The following PTK7 variants were observed in gnomAD, a reference collection of about 807,000 sequenced individuals.
PTK7 encodes the protein protein tyrosine kinase 7 (inactive).
PTK7 carries 39 observed loss-of-function variants against 116.6 expected under a neutral mutation model. That is an observed-to-expected ratio of 0.33 (90% confidence interval 0.26 to 0.44). The LOEUF (loss-of-function observed/expected upper bound fraction) is 0.44, where lower values mean the gene tolerates loss of function less well. PTK7 is among the 20% of genes least tolerant of loss of function. PTK7 has a pLI of 1.00. For synonymous variants in PTK7, 546 were observed against 563.6 expected (o/e 0.97, Z 0.44); for missense variants, 1,169 against 1,425.6 (o/e 0.82, Z 2.90).
At chr6:43,089,141 G>C (rs1319121917) in intron 1 of PTK7, among the ~76,000 whole-genome samples, 1 of 152,186 alleles carries the variant, frequency 6.6e-6, no homozygotes, top group Non-Finnish European at 1.5e-5. Flanking sequence ...GTTCAGGTGA[G>C]GTTGGATCAT....
At position 43,132,673 on chromosome 6, in the gene PTK7, A is replaced by G. The variant is rs138575208; in HGVS notation, c.1214A>G (p.Asn405Ser). 378 of 1,564,800 alleles carry G rather than the reference A, an allele frequency of 2.4e-4. No homozygotes were observed. Among genetic ancestry groups the G allele is most frequent in the Admixed American group, 1.3e-3 (65 of 51,910 alleles). ...NLAGQRRQDV[N>S]ITVATVPSWL... ...GCTGGTCAGCGGAGACAGGATGTCA[A>G]CATCACTGTGGCCAGTGAGCACCTT... is the stretch of plus-strand genomic sequence containing the variant. The change falls in exon 7 of 20, where the codon AAC becomes AGC. Residue 405 changes from asparagine (N) to serine (S), a missense_variant. Around this residue, in one of 3 missense-constraint regions of PTK7, gnomAD observed 4 missense variants for 22.0 expected, o/e 0.18. Coordinates refer to ENST00000230419, the MANE Select transcript of PTK7 (RefSeq NM_002821.5).
intron 17 of PTK7, among the ~76,000 whole-genome samples, chr6:43,155,857 A>G (rs1294210294): frequency 6.6e-5 from 10 of 152,216 alleles, no homozygotes; most frequent in Non-Finnish European, 4.4e-5. Flanking sequence ...AAACTCATAC[A>G]TGTGTACACT....
At chr6:43,086,071 CTCTT>C (rs1236023021) in intron 1 of PTK7, among the ~76,000 whole-genome samples, 8 of 152,188 alleles carry the variant, frequency 5.3e-5, no homozygotes, top group African/African-American at 1.7e-4. Context: ...TTCTCCCTCT[CTCTT>C]TGTCTCAATA....
Position 43,129,730 on chromosome 6 carries a change from T to C in PTK7, c.371T>C (p.Ile124Thr). 1.9e-6 allele frequency: 3 copies of C among 1,614,032 alleles called. No homozygotes were observed. The highest frequency in any genetic ancestry group is 2.5e-6 in the Non-Finnish European group (3 of 1,179,922). The change falls in exon 3 of 20, where the codon ATT becomes ACT. Residue 124 changes from isoleucine to threonine, a missense_variant. By Grantham distance (89) the Ile-to-Thr change is moderately conservative. This residue lies in a region of PTK7 where 487 missense variants were observed against 549.8 expected (regional missense o/e 0.89). Transcript: ENST00000230419. The surrounding 1 kb of genome is among the most constrained non-coding windows in gnomAD (Gnocchi z 4.5). ...SANASFNIKW[I>T]EAGPVVLKHP... is the part of the protein sequence containing the mutation. Reference sequence around the variant, plus strand: ...GCAACCGTGGCCTCTGCTACAGGGATTGAGGCAGGTCCTGTGGTCCTGAAG... The same window carrying C: ...GCAACCGTGGCCTCTGCTACAGGGACTGAGGCAGGTCCTGTGGTCCTGAAG...
At chr6:43,126,688 T>A (rs1307785740) in intron 1 of PTK7, among the ~76,000 whole-genome samples, 1 of 152,240 alleles carries the variant, frequency 6.6e-6, no homozygotes, top group Non-Finnish European at 1.5e-5. Flanking sequence ...AGCTATTTGA[T>A]CGTGGGCAGA....
rs150912453 is a variant in PTK7 at position 43,134,036 on chromosome 6, A to T, written c.1228+1349A>T. Reference sequence around the variant, plus strand: ...TGAGAATCACCTGCTTTCATTAGGGATACTTTTTCTTCTTTTGTTTGAGAC... The same window carrying T: ...TGAGAATCACCTGCTTTCATTAGGGTTACTTTTTCTTCTTTTGTTTGAGAC... On this transcript the variant is annotated intron_variant, in intron 7 of 19. Coordinates refer to ENST00000230419, the MANE Select transcript of PTK7 (RefSeq NM_002821.5). Among the ~76,000 whole-genome samples the T allele has an allele frequency of 3.5e-3, 535 of 152,240 alleles. 2 individuals are homozygous for T. Among genetic ancestry groups the T allele is most frequent in the African/African-American group, 0.012 (481 of 41,550 alleles).
chr6:43,139,278 C>T lies in PTK7; in HGVS notation c.1498+7C>T, dbSNP rs1379127337. On this transcript the variant is annotated splice_region_variant and intron_variant, in intron 9 of 19. Transcript: ENST00000230419. The surrounding 1 kb of genome is among the most constrained non-coding windows in gnomAD (Gnocchi z 4.6). ...GCCCGTGTCCAAGTGCTGGGTGAGC[C>T]AGCATGTCTTGGGGGAGCACCCTTC... 3.7e-6 allele frequency: 6 copies of T among 1,614,136 alleles called. No homozygotes were observed. Among genetic ancestry groups the T allele is most frequent in the Non-Finnish European group, 5.1e-6 (6 of 1,180,060 alleles).
intron 1 of PTK7, among the ~76,000 whole-genome samples, chr6:43,084,558 A>G (rs1478319123): frequency 6.6e-6 from 1 of 152,204 alleles, no homozygotes; most frequent in Non-Finnish European, 1.5e-5. Flanking sequence ...TGGTGTTGAG[A>G]AAAAGGGTGA....
chr6:43,145,224 TC>T lies in PTK7; in HGVS notation c.2434del (p.Leu812TrpfsTer18). ...GGGAAGAGTGAGTTTGGGGAGGTGT[TC>T]CTGGCAAAGGCTCAGGGCTTGGAGG... ...TLGKSEFGEV[F>X]LAKAQGLEEG... On this transcript the variant is annotated frameshift_variant, in exon 16 of 20. Transcript: ENST00000230419. LOFTEE classifies it high-confidence loss of function. The surrounding 1 kb of genome is among the most constrained non-coding windows in gnomAD (Gnocchi z 4.8). 1 of 1,611,748 alleles carries T rather than the reference TC, an allele frequency of 6.2e-7. No individual in the cohort carries two copies. Among genetic ancestry groups the T allele is most frequent in the Non-Finnish European group, 8.5e-7 (1 of 1,178,550 alleles).
At chr6:43,101,147 G>A (rs1014052558) in intron 1 of PTK7, among the ~76,000 whole-genome samples, 8 of 151,326 alleles carry the variant, frequency 5.3e-5, no homozygotes, top group African/African-American at 7.3e-5. Context: ...CCCGGGAGGC[G>A]GAGGTTGCTG....
chr6:43,103,676 C>T lies in PTK7; in HGVS notation c.80-25301C>T, dbSNP rs191884395. Among the ~76,000 whole-genome samples the T allele has an allele frequency of 6.6e-5, 10 of 152,244 alleles. No individual in the cohort carries two copies. In the East Asian group the frequency reaches 1.9e-3, roughly 29 times the overall value. On this transcript the variant is annotated intron_variant, in intron 1 of 19. Transcript: ENST00000230419. Reference sequence around the variant, plus strand: ...CCTGGAGTGGGGAGGAGTTGTTCTTCCTTAAAACTTCCTTTGTTCTCTGAA... The same window carrying T: ...CCTGGAGTGGGGAGGAGTTGTTCTTTCTTAAAACTTCCTTTGTTCTCTGAA...
chr6:43,118,741 G>GTA (rs1768762021), intron 1 of PTK7, among the ~76,000 whole-genome samples: 1 of 122,932 alleles, frequency 8.1e-6, no homozygotes, highest in Non-Finnish European at 1.6e-5. Context: ...ATGTATATAT[G>GTA]TGTGTGTATG....
chr6:43,079,338 G>A (rs1012212256), intron 1 of PTK7, among the ~76,000 whole-genome samples: 3 of 152,108 alleles, frequency 2.0e-5, no homozygotes, highest in African/African-American at 4.8e-5. Context: ...GTGGTGGCGG[G>A]TGCCCGTAGT....
At chr6:43,136,793 G>A (rs1770067951) in intron 7 of PTK7, among the ~76,000 whole-genome samples, 1 of 152,074 alleles carries the variant, frequency 6.6e-6, no homozygotes, top group Non-Finnish European at 1.5e-5. Flanking sequence ...TTGAGCCTAG[G>A]AGTTTGAGAC....
Position 43,144,481 on chromosome 6 carries a change from C to T in PTK7, c.2282C>T (p.Ala761Val). 6 of 1,614,154 alleles carry T rather than the reference C, an allele frequency of 3.7e-6. No homozygotes were observed. The highest frequency in any genetic ancestry group is 5.1e-6 in the Non-Finnish European group (6 of 1,180,014). Residue 761 changes from alanine to valine, a missense_variant, in exon 15 of 20, where the codon GCA (alanine) becomes GTA (valine). Physicochemically the swap from Ala to Val is moderately conservative, Grantham distance 64. Transcript: ENST00000230419. ...GGPLQNGQPSAEIQEEVALTS... is the reference protein window; with the variant it reads ...GGPLQNGQPSVEIQEEVALTS... ...CCTTTGCAGAACGGGCAGCCCTCAG[C>T]AGAGATCCAAGAAGAAGTGGCCTTG...
At chr6:43,109,821 C>A (rs2150400960) in intron 1 of PTK7, among the ~76,000 whole-genome samples, 1 of 151,448 alleles carries the variant, frequency 6.6e-6, no homozygotes, top group African/African-American at 2.4e-5. Context: ...GGCTTAGCCT[C>A]CCGAGTAGCT....
chr6:43,139,089 G>C lies in PTK7; in HGVS notation c.1363-47G>C. ...TTACCCTGGAGGCAGCCTCCAGGGA[G>C]AGGTGGGTGTGGGTTCAGGCTCTGA... On this transcript the variant is annotated intron_variant, in intron 8 of 19. Coordinates refer to ENST00000230419, the MANE Select transcript of PTK7 (RefSeq NM_002821.5). This position sits in a 1 kb window ranked among gnomAD's most constrained non-coding sequence, Gnocchi z 4.6. 6.2e-7 allele frequency: 1 copy of C among 1,611,894 alleles called. No homozygotes were observed. The highest frequency in any genetic ancestry group is 1.1e-5 in the South Asian group (1 of 90,932).
At chr6:43,132,291 G>A in intron 6 of PTK7, 127 bp downstream of exon 6, 10 of 1,499,998 alleles carry the variant, frequency 6.7e-6, no homozygotes, top group Middle Eastern at 1.8e-4. Flanking sequence ...GCTGGGAGTA[G>A]GAAGAGGATA....
At chr6:43,079,896 CAAA>C (rs757923431) in intron 1 of PTK7, among the ~76,000 whole-genome samples, 2 of 62,026 alleles carry the variant, frequency 3.2e-5, no homozygotes, top group African/African-American at 6.5e-5. Flanking sequence ...TCCACCTGTA[CAAA>C]AAAAAAAAAA....
Sources: gnomAD v4.1 joint callset for allele counts (sites outside exome capture counted in the v4.1 genomes callset) on GRCh38, gnomAD v4.1.1 for gene constraint, gnomAD v4.1.1 regional missense constraint, Gnocchi (gnomAD v3.1) non-coding constraint, MANE v1.5 for transcripts, NCBI Gene and HGNC (gene_info 2026-07-23, HGNC 2026-07-21) for gene names.